NTNG2: variants seen among roughly 807,000 people sequenced by gnomAD.
NTNG2 encodes the protein netrin G2.
Under a neutral mutation model 47.6 loss-of-function variants are expected in NTNG2, and 15 were observed. The observed-to-expected ratio is 0.32, with a 90% CI of 0.21 to 0.49. The LOEUF is 0.49. Among genes scored for constraint, NTNG2 ranks in the 20% least tolerant of loss-of-function variants. NTNG2 has a pLI of 0.99. For missense variants in NTNG2, 578 were observed against 764.6 expected, an observed-to-expected ratio of 0.76 and a Z score of 2.88; for synonymous variants, 307 against 324.6, an observed-to-expected ratio of 0.95 and a Z score of 0.58.
chr9:132,204,538 T>G (rs568434755), intron 3 of NTNG2, among the ~76,000 whole-genome samples: 2 of 152,252 alleles, frequency 1.3e-5, no homozygotes, highest in African/African-American at 4.8e-5. Context: ...CTTTCTCAGC[T>G]GCTCTACAGG....
rs1490426646 is a variant in NTNG2, at chr9:132,240,891, C to T, written c.1223-19C>T. On this transcript the variant is annotated intron_variant, in intron 6 of 7. Transcript: ENST00000393229. ...CCACACGTAGCCCTGACCGCGCGCC[C>T]GTGCCCGTGTCCGTCCAGAGTGTAA... 9.3e-6 allele frequency: 15 copies of T among 1,612,594 alleles called. No individual in the cohort carries two copies. The highest frequency in any genetic ancestry group is 1.3e-5 in the Non-Finnish European group (15 of 1,179,802).
intron 2 of NTNG2, among the ~76,000 whole-genome samples, chr9:132,171,861 T>A (rs1302170796): frequency 2.0e-5 from 3 of 152,196 alleles, no homozygotes; most frequent in African/African-American, 7.2e-5. Context: ...CCCCTCTGTG[T>A]TTCTGGCCCC....
In NTNG2 at chr9:132,198,422, G is replaced by T; in HGVS notation, c.670G>T (p.Gly224Cys). The change falls in exon 3 of 8, where the codon GGC becomes TGC. Residue 224 changes from glycine (G) to cysteine (C), a missense_variant. By Grantham distance (159) the Gly-to-Cys change is radical (BLOSUM62 -3). Transcript: ENST00000393229. ...EVRDRFAIFAGPDLRNMDNLY... is the reference protein window; with the variant it reads ...EVRDRFAIFACPDLRNMDNLY... The stretch of plus-strand genomic sequence containing the variant: ...GCGGGACCGCTTCGCCATCTTTGCC[G>T]GCCCCGACCTGCGCAACATGGACAA... 1 of 1,613,080 alleles carries T rather than the reference G, an allele frequency of 6.2e-7. No individual in the cohort carries two copies. Among genetic ancestry groups the T allele is most frequent in the Non-Finnish European group, 8.5e-7 (1 of 1,179,978 alleles).
chr9:132,223,949 C>T (rs995846097), intron 3 of NTNG2, among the ~76,000 whole-genome samples: 5 of 152,186 alleles, frequency 3.3e-5, no homozygotes, highest in Admixed American at 1.3e-4. Flanking sequence ...ACGGGTGGAA[C>T]TTCTTTCAGC....
At chr9:132,192,678 C>T (rs574347882) in intron 2 of NTNG2, among the ~76,000 whole-genome samples, 1 of 152,268 alleles carries the variant, frequency 6.6e-6, no homozygotes, top group East Asian at 1.9e-4. Flanking sequence ...GTCAGGTCAG[C>T]GCCAACAGTG....
In NTNG2 at chr9:132,208,037, A is replaced by G. The variant is rs1839303847; in HGVS notation, c.857+9428A>G. On this transcript the variant is annotated intron_variant, in intron 3 of 7. Coordinates refer to ENST00000393229, the MANE Select transcript of NTNG2 (RefSeq NM_032536.4). This position sits in a 1 kb window ranked among gnomAD's most constrained non-coding sequence, Gnocchi z 4.0. The stretch of plus-strand genomic sequence containing the variant: ...GAGGATTGCTTGAGCCCAGGAAGTC[A>G]AGCCTGCAGTGAGTTATGACTGTGC... Among the ~76,000 whole-genome samples the G allele has an allele frequency of 6.6e-6, 1 of 152,108 alleles. No homozygotes were observed. Among genetic ancestry groups the G allele is most frequent in the African/African-American group, 2.4e-5 (1 of 41,418 alleles).
chr9:132,203,452 G>A (rs1838936068), intron 3 of NTNG2, among the ~76,000 whole-genome samples: 1 of 152,158 alleles, frequency 6.6e-6, no homozygotes, highest in Non-Finnish European at 1.5e-5. Context: ...GTGGCCTGGG[G>A]AGAAATGGAG....
intron 2 of NTNG2, among the ~76,000 whole-genome samples, chr9:132,171,588 G>C (rs1023059260): frequency 2.6e-5 from 4 of 152,178 alleles, no homozygotes; most frequent in African/African-American, 9.7e-5. Flanking sequence ...TACTCAGTTA[G>C]AACCTGCTTT....
intron 2 of NTNG2, among the ~76,000 whole-genome samples, chr9:132,190,577 G>A (rs1837808127): frequency 6.6e-6 from 1 of 152,178 alleles, no homozygotes; most frequent in South Asian, 2.1e-4. Flanking sequence ...GCTTCCCACA[G>A]GCACATTTAC....
chr9:132,190,041 G>A (rs1837749145), intron 2 of NTNG2, among the ~76,000 whole-genome samples: 1 of 148,802 alleles, frequency 6.7e-6, no homozygotes, highest in South Asian at 2.1e-4. Context: ...AGACCATCCT[G>A]GCTAACACGG....
At chr9:132,164,607 T>C (rs1056683859) in intron 1 of NTNG2, among the ~76,000 whole-genome samples, 4 of 152,258 alleles carry the variant, frequency 2.6e-5, no homozygotes, top group Non-Finnish European at 4.4e-5. Flanking sequence ...TTATTTTTAC[T>C]ACATTTTCTC....
At chr9:132,227,154 C>T (rs1163121710) in intron 4 of NTNG2, 133 bp downstream of exon 4, 11 of 986,880 alleles carry the variant, frequency 1.1e-5, no homozygotes, top group Admixed American at 6.4e-5. Context: ...TGCATGCAAA[C>T]GTGCACACAG....
chr9:132,195,178 G>A (rs1564404867), intron 2 of NTNG2, among the ~76,000 whole-genome samples: 1 of 152,152 alleles, frequency 6.6e-6, no homozygotes, highest in Non-Finnish European at 1.5e-5. Context: ...AAATTGAGCA[G>A]ATAGTACAGA....
At chr9:132,181,951 G>A (rs1028886295) in intron 2 of NTNG2, among the ~76,000 whole-genome samples, 14 of 152,282 alleles carry the variant, frequency 9.2e-5, no homozygotes, top group African/African-American at 2.4e-4. Context: ...AGACGGAGGC[G>A]GCTGTCATCT....
intron 5 of NTNG2, chr9:132,232,620 G>A (rs1564441903): frequency 6.6e-6 from 1 of 152,262 alleles, no homozygotes; most frequent in Non-Finnish European, 1.5e-5. Flanking sequence ...TTCCCAGAGG[G>A]CACCAGGAAG....
chr9:132,210,088 A>G (rs1314771125), intron 3 of NTNG2, among the ~76,000 whole-genome samples: 1 of 151,984 alleles, frequency 6.6e-6, no homozygotes, highest in East Asian at 1.9e-4. Context: ...CATCTTGACA[A>G]CCCAGGGTGG....
intron 3 of NTNG2, among the ~76,000 whole-genome samples, chr9:132,223,748 C>T (rs553854579): frequency 2.0e-5 from 3 of 152,332 alleles, no homozygotes; most frequent in African/African-American, 4.8e-5. Flanking sequence ...CCTCTATTCG[C>T]AGGATCTCAC....
chr9:132,195,067 G>A (rs964083938), intron 2 of NTNG2, among the ~76,000 whole-genome samples: 4 of 152,238 alleles, frequency 2.6e-5, no homozygotes, highest in Non-Finnish European at 4.4e-5. Flanking sequence ...AGCACTGGGT[G>A]GTTGTTAGTG....
At chr9:132,183,379 C>T (rs556670314) in intron 2 of NTNG2, among the ~76,000 whole-genome samples, 3 of 152,334 alleles carry the variant, frequency 2.0e-5, no homozygotes, top group Admixed American at 6.5e-5. Context: ...GGCTCAGCAG[C>T]GTGCATGCGT....
Sources: allele counts gnomAD v4.1 joint callset (sites outside exome capture counted in the v4.1 genomes callset), GRCh38; gene constraint gnomAD v4.1.1; non-coding constraint Gnocchi (gnomAD v3.1); transcripts MANE v1.5; gene names NCBI Gene and HGNC (gene_info 2026-07-23, HGNC 2026-07-21).